Variants in KDM4B observed in about 807,000 individuals in gnomAD.
KDM4B encodes the protein lysine demethylase 4B.
In KDM4B, 32 loss-of-function variants were observed where a neutral mutation model predicts 125.2. The observed-to-expected ratio is 0.26, with a 90% CI of 0.19 to 0.34. The LOEUF (loss-of-function observed/expected upper bound fraction) is 0.34, where lower values mean the gene tolerates loss of function less well. KDM4B is among the 10% of genes least tolerant of loss of function. The probability of loss-of-function intolerance (pLI) is 1.00; values close to 1 mark genes in which losing one functional copy is unlikely to be tolerated. For missense variants in KDM4B, 1,190 were observed against 1,577.7 expected, an observed-to-expected ratio of 0.75 and a Z score of 4.16; for synonymous variants, 721 against 677.9, an observed-to-expected ratio of 1.06 and a Z score of -0.99.
chr19:5,052,814 G>A (rs2037273454), intron 6 of KDM4B, among the ~76,000 whole-genome samples: 1 of 152,260 alleles, frequency 6.6e-6, no homozygotes, highest in South Asian at 2.1e-4. Context: ...CGGGGACCCT[G>A]GTGTGGGTTT....
intron 9 of KDM4B, among the ~76,000 whole-genome samples, chr19:5,097,442 G>A (rs1457914259): frequency 1.3e-5 from 2 of 152,140 alleles, no homozygotes; most frequent in Non-Finnish European, 2.9e-5. Context: ...TTGTAGAGTT[G>A]GGGTCTCACT....
chr19:5,110,792 C>T lies in KDM4B; in HGVS notation c.1089C>T (p.Ala363=). 6.3e-7 allele frequency: 1 copy of T among 1,596,436 alleles called. No individual in the cohort carries two copies. Among genetic ancestry groups the T allele is most frequent in the Non-Finnish European group, 8.5e-7 (1 of 1,171,830 alleles). ...TGAGCTCCTGGAGTGCATCCCGGGC[C>T]TCGCTGAAGGCCAAGCTCCTCCGCA... ...PELSSWSASR[A]SLKAKLLRRS... is the part of the protein sequence containing the mutation. Residue 363 remains alanine, a synonymous_variant, in exon 10 of 23, where the codon GCC becomes GCT. Transcript: ENST00000159111.
intron 6 of KDM4B, among the ~76,000 whole-genome samples, chr19:5,062,190 C>G (rs1354474594): frequency 6.6e-6 from 1 of 152,232 alleles, no homozygotes; most frequent in African/African-American, 2.4e-5. Context: ...CTCTCTCAGC[C>G]AGGATATGGG....
intron 1 of KDM4B, among the ~76,000 whole-genome samples, chr19:4,992,756 A>AT (rs1413432760): frequency 2.0e-5 from 3 of 152,160 alleles, no homozygotes; most frequent in Admixed American, 2.0e-4. Context: ...TGGCCATCCT[A>AT]TAAGTTTTAC....
At chr19:5,030,880 G>A (rs898173508) in intron 2 of KDM4B, among the ~76,000 whole-genome samples, 2 of 152,256 alleles carry the variant, frequency 1.3e-5, no homozygotes, top group Non-Finnish European at 2.9e-5. Context: ...GGCAGATCCA[G>A]GGATGGCCTC....
chr19:5,130,719 C>A (rs1219481862), intron 11 of KDM4B, among the ~76,000 whole-genome samples: 1 of 152,214 alleles, frequency 6.6e-6, no homozygotes, highest in Non-Finnish European at 1.5e-5. Flanking sequence ...AGGTGGGAGC[C>A]CAGAAGACAG....
In KDM4B at chr19:5,151,641, C is replaced by A; in HGVS notation, c.*130C>A. The A allele has an allele frequency of 1.2e-6, 1 of 827,470 alleles. No individual in the cohort carries two copies. The highest frequency in any genetic ancestry group is 1.6e-6 in the Non-Finnish European group (1 of 615,362). 51.3% of individuals were successfully genotyped at this position (827,470 alleles called of 1,614,324 possible). ...AGGCCACCTCCAAGCCGCGGGTGCC[C>A]CCTAGGGCGACAGGAGCCAGCGGGA... On this transcript the variant is annotated 3_prime_UTR_variant, in exon 23 of 23. Coordinates refer to ENST00000159111, the MANE Select transcript of KDM4B (RefSeq NM_015015.3).
intron 1 of KDM4B, among the ~76,000 whole-genome samples, chr19:4,970,304 C>T (rs905049967): frequency 2.6e-5 from 4 of 152,212 alleles, no homozygotes; most frequent in African/African-American, 9.7e-5. Flanking sequence ...TTACCAGCAC[C>T]CTGTGAGGAA....
Position 5,115,276 on chromosome 19 carries a change from C to G in KDM4B, c.1116-4377C>G, listed in dbSNP as rs887074329. ...CAAACATGGGCAGCCCCTGGGGGTG[C>G]TGGGGGGATGTGGGGGCAACCAGCA... On this transcript the variant is annotated intron_variant, in intron 10 of 22. Transcript: ENST00000159111. The surrounding 1 kb of genome is among the most constrained non-coding windows in gnomAD (Gnocchi z 4.2). 6.6e-6 allele frequency among the ~76,000 whole-genome samples: 1 copy of G among 152,056 alleles called. No individual in the cohort carries two copies. Among genetic ancestry groups the G allele is most frequent in the Non-Finnish European group, 1.5e-5 (1 of 67,984 alleles).
intron 16 of KDM4B, 99 bp downstream of exon 16, chr19:5,137,437 C>T: frequency 7.8e-7 from 1 of 1,284,136 alleles, no homozygotes; most frequent in African/African-American, 1.5e-5. Flanking sequence ...CCTCCGTGGG[C>T]CTGGGTTCCT....
Position 5,131,496 on chromosome 19 carries a change from G to A in KDM4B, c.1736G>A (p.Ser579Asn). 6.3e-7 allele frequency: 1 copy of A among 1,597,062 alleles called. No individual in the cohort carries two copies. The highest frequency in any genetic ancestry group is 1.1e-5 in the South Asian group (1 of 90,640). The change falls in exon 12 of 23, where the codon AGC (serine) becomes AAC (asparagine). Residue 579 changes from serine (S) to asparagine (N), a missense_variant. Transcript: ENST00000159111. Reference sequence around the variant, plus strand: ...ACGGGGCCAGAGGACGGTGCAGCCAGCAGTGGGGCAGGTCGCATGGAGACC... The same window carrying A: ...ACGGGGCCAGAGGACGGTGCAGCCAACAGTGGGGCAGGTCGCATGGAGACC... ...ELTGPEDGAA[S>N]SGAGRMETKA...
At position 4,996,635 on chromosome 19, in the gene KDM4B, C is replaced by G. The variant is rs138874773; in HGVS notation, c.-108-19622C>G. Among the ~76,000 whole-genome samples, 999 of 151,980 alleles carry G rather than the reference C, an allele frequency of 6.6e-3. 9 individuals carry two copies. The highest frequency in any genetic ancestry group is 0.023 in the African/African-American group (955 of 41,412). On this transcript the variant is annotated intron_variant, in intron 1 of 22. Transcript: ENST00000159111. ...TTGCTCAGCTGTCCCCTGAGGTGGT[C>G]TGAATTTGTGCCCCTGCACAGTCAT...
intron 6 of KDM4B, among the ~76,000 whole-genome samples, chr19:5,058,286 A>G (rs1434019782): frequency 6.6e-6 from 1 of 152,232 alleles, no homozygotes; most frequent in Non-Finnish European, 1.5e-5. Flanking sequence ...CGTCAGGAGC[A>G]GAAGCCATTG....
chr19:5,085,934 G>A (rs949315533), intron 9 of KDM4B, among the ~76,000 whole-genome samples: 83 of 152,190 alleles, frequency 5.5e-4, no homozygotes, highest in Admixed American at 1.8e-3. Flanking sequence ...GCAGGGAAAC[G>A]GCCCAGGTCA....
At chr19:5,042,059 A>G (rs1381313306) in intron 5 of KDM4B, among the ~76,000 whole-genome samples, 1 of 152,270 alleles carries the variant, frequency 6.6e-6, no homozygotes, top group Non-Finnish European at 1.5e-5. Flanking sequence ...GGCATAAGCC[A>G]GCCTTGCTTC....
intron 21 of KDM4B, among the ~76,000 whole-genome samples, chr19:5,147,515 TG>T (rs2039872352): frequency 6.6e-6 from 1 of 151,910 alleles, no homozygotes; most frequent in South Asian, 2.1e-4. Context: ...GAGGCTGAGG[TG>T]GGCAGAGCGC....
In KDM4B at chr19:5,033,035, G is replaced by A. The variant is rs201380276; in HGVS notation, c.141+4G>A. On this transcript the variant is annotated splice_donor_region_variant and intron_variant, in intron 3 of 22. Transcript: ENST00000159111. ...CCACCGGGCGGGCCTGGCCAAGGTG[G>A]GTGACATCCTGGCCCCAGCGCGGCC... 5 of 1,613,016 alleles carry A rather than the reference G, an allele frequency of 3.1e-6. No individual in the cohort carries two copies. The South Asian group carries it at 3.3e-5, about 11-fold the overall frequency.
At chr19:5,047,960 G>C (rs1173511870) in intron 6 of KDM4B, among the ~76,000 whole-genome samples, 1 of 152,196 alleles carries the variant, frequency 6.6e-6, no homozygotes, top group South Asian at 2.1e-4. Context: ...ATGGCCAGGA[G>C]CGTGGTCTTG....
intron 10 of KDM4B, chr19:5,111,705 A>G: frequency 1.3e-6 from 1 of 755,588 alleles, no homozygotes; most frequent in South Asian, 1.4e-5. Flanking sequence ...GGGACGGCAC[A>G]GAGTGGGCTC....
Sources: allele counts gnomAD v4.1 joint callset (sites outside exome capture counted in the v4.1 genomes callset), GRCh38; gene constraint gnomAD v4.1.1; non-coding constraint Gnocchi (gnomAD v3.1); transcripts MANE v1.5; gene names NCBI Gene and HGNC (gene_info 2026-07-23, HGNC 2026-07-21).